Variants in DIAPH3 observed in about 807,000 individuals in gnomAD.
DIAPH3 encodes the protein protein diaphanous homolog 3.
DIAPH3 carries 117 observed loss-of-function variants against 144.3 expected under a neutral mutation model. The observed-to-expected ratio is 0.81, with a 90% CI of 0.70 to 0.95. The LOEUF (loss-of-function observed/expected upper bound fraction) is 0.95, where lower values mean the gene tolerates loss of function less well. Among genes scored for constraint, DIAPH3 ranks in the 40% least tolerant of loss-of-function variants. The pLI is 0.00. For synonymous variants in DIAPH3, 519 were observed against 488.9 expected (o/e 1.06, Z -0.81); for missense variants, 1,421 against 1,412.7 (o/e 1.01, Z -0.09).
intron 27 of DIAPH3, among the ~76,000 whole-genome samples, chr13:59,763,224 A>G (rs2037694135): frequency 6.6e-6 from 1 of 152,062 alleles, no homozygotes; most frequent in Non-Finnish European, 1.5e-5. Context: ...ATATGTGTAT[A>G]CATGTGTGTA....
At chr13:59,739,949 T>C (rs971692978) in intron 27 of DIAPH3, among the ~76,000 whole-genome samples, 1 of 152,210 alleles carries the variant, frequency 6.6e-6, no homozygotes, top group Non-Finnish European at 1.5e-5. Context: ...AAGTGATGTG[T>C]AGGCACTGTA....
chr13:59,912,104 A>T lies in DIAPH3; in HGVS notation c.2266-268T>A, dbSNP rs144281679. On this transcript the variant is annotated intron_variant, in intron 19 of 27. Transcript: ENST00000400324. ...TTGATTAGCTATATAATTGAGAAAG[A>T]GAACTCAACCTATACCAAAGGAACA... 3.4e-3 allele frequency among the ~76,000 whole-genome samples: 512 copies of T among 152,274 alleles called. 3 individuals carry two copies. Among genetic ancestry groups the T allele is most frequent in the African/African-American group, 0.012 (488 of 41,558 alleles).
intron 27 of DIAPH3, among the ~76,000 whole-genome samples, chr13:59,707,881 G>A (rs970264882): frequency 2.0e-5 from 3 of 151,274 alleles, no homozygotes; most frequent in African/African-American, 7.3e-5. Context: ...CTCATTCAAG[G>A]ACAATGCTCC....
At chr13:59,992,855 A>G (rs1488824256) in intron 9 of DIAPH3, among the ~76,000 whole-genome samples, 1 of 151,638 alleles carries the variant, frequency 6.6e-6, no homozygotes, top group African/African-American at 2.4e-5. Context: ...AGAAAAAAAA[A>G]AAAAAAAACA....
At chr13:59,719,124 C>G (rs1244812773) in intron 27 of DIAPH3, among the ~76,000 whole-genome samples, 2 of 152,144 alleles carry the variant, frequency 1.3e-5, no homozygotes, top group Non-Finnish European at 2.9e-5. Flanking sequence ...GTAGGCTGCT[C>G]TTTTTCTTCT....
intron 3 of DIAPH3, among the ~76,000 whole-genome samples, chr13:60,103,685 A>C (rs535695234): frequency 6.6e-6 from 1 of 152,216 alleles, no homozygotes; most frequent in African/African-American, 2.4e-5. Flanking sequence ...TAGGGGTTAA[A>C]GCCAACATAA....
intron 4 of DIAPH3, among the ~76,000 whole-genome samples, chr13:60,059,432 T>G (rs1209422207): frequency 4.6e-5 from 7 of 152,082 alleles, no homozygotes; most frequent in Non-Finnish European, 7.4e-5. Context: ...TGCTTTATGC[T>G]ATTTATAAGG....
chr13:59,850,673 C>A (rs1480856300), intron 22 of DIAPH3, among the ~76,000 whole-genome samples: 1 of 152,048 alleles, frequency 6.6e-6, no homozygotes, highest in Non-Finnish European at 1.5e-5. Flanking sequence ...ATGAAGCCCA[C>A]TTGATCATGA....
intron 27 of DIAPH3, among the ~76,000 whole-genome samples, chr13:59,709,449 C>G (rs997820704): frequency 1.3e-5 from 2 of 152,130 alleles, no homozygotes; most frequent in Non-Finnish European, 2.9e-5. Context: ...TGAACAGACA[C>G]TTCTCAAAAG....
chr13:59,681,770 G>A (rs1003563375), intron 27 of DIAPH3, among the ~76,000 whole-genome samples: 1 of 152,130 alleles, frequency 6.6e-6, no homozygotes, highest in South Asian at 2.1e-4. Flanking sequence ...AATGAGGAAG[G>A]AGGCTTTGTG....
chr13:60,049,569 C>T (rs2800296), intron 4 of DIAPH3, among the ~76,000 whole-genome samples: 3,558 of 152,322 alleles, frequency 0.023, 142 homozygotes, highest in African/African-American at 0.082. Flanking sequence ...TGGCTTCCCA[C>T]AAAAGGCCTC....
chr13:59,804,684 A>G (rs1183592866), intron 25 of DIAPH3, among the ~76,000 whole-genome samples: 2 of 152,050 alleles, frequency 1.3e-5, no homozygotes, highest in African/African-American at 4.8e-5. Flanking sequence ...CATTTGTTCT[A>G]CCCTTCTATA....
At chr13:59,918,942 TAC>T (rs1329635980) in intron 18 of DIAPH3, among the ~76,000 whole-genome samples, 7,707 of 26,820 alleles carry the variant, frequency 0.29, 242 homozygotes, top group Middle Eastern at 0.4. Flanking sequence ...TTCAAGAAAA[TAC>T]AAAAAAAAAA....
At chr13:59,869,339 C>T (rs2044119476) in intron 21 of DIAPH3, among the ~76,000 whole-genome samples, 1 of 152,146 alleles carries the variant, frequency 6.6e-6, no homozygotes, top group Admixed American at 6.6e-5. Context: ...ACAACTCCAT[C>T]CTCTTAGGGT....
At position 59,905,342 on chromosome 13, in the gene DIAPH3, C is replaced by CAAAAAAAAAAAAAAAA. The variant is rs59114311; in HGVS notation, c.2367+6377_2367+6392dup. 3.0e-4 allele frequency among the ~76,000 whole-genome samples: 21 copies of CAAAAAAAAAAAAAAAA among 69,748 alleles called. 1 individual carries two copies. Among genetic ancestry groups the CAAAAAAAAAAAAAAAA allele is most frequent in the Non-Finnish European group, 3.8e-4 (16 of 41,644 alleles). 45.8% of individuals were successfully genotyped at this position (69,748 alleles called of 152,430 possible). A position where few individuals can be genotyped will look rare whatever the true frequency, so the allele number is the denominator to read the frequency against. On this transcript the variant is annotated intron_variant, in intron 20 of 27. Coordinates refer to ENST00000400324, the MANE Select transcript of DIAPH3 (RefSeq NM_001042517.2). Reference sequence around the variant, plus strand: ...TGGGCGACAGAGCGAGACTCTGTCTCAAAAAAAAAAAAAAAAAAAAAAAAA... The same window carrying CAAAAAAAAAAAAAAAA: ...TGGGCGACAGAGCGAGACTCTGTCTCAAAAAAAAAAAAAAAAAAAAAAAAAAAAAAAAAAAAAAAAA...
chr13:59,879,886 T>C (rs544570242), intron 20 of DIAPH3, among the ~76,000 whole-genome samples: 19 of 152,314 alleles, frequency 1.2e-4, no homozygotes, highest in African/African-American at 4.3e-4. Context: ...TAAAGAGGGT[T>C]TGTTTTCTTC....
chr13:59,895,382 T>A (rs2046025731), intron 20 of DIAPH3, among the ~76,000 whole-genome samples: 1 of 135,978 alleles, frequency 7.4e-6, no homozygotes. Context: ...ATAGCAGTAA[T>A]GGAAAATAGC....
At position 59,971,000 on chromosome 13, in the gene DIAPH3, A is replaced by G; in HGVS notation, c.1811T>C (p.Met604Thr). 1 of 1,613,658 alleles carries G rather than the reference A, an allele frequency of 6.2e-7. No individual in the cohort carries two copies. The highest frequency in any genetic ancestry group is 8.5e-7 in the Non-Finnish European group (1 of 1,179,866). ...PPPPPLPGMR[M>T]PFSGPVPPPP... is the part of the protein sequence containing the mutation. ...TGGAGGCACAGGACCACTGAATGGC[A>G]TCCGCATTCCTGGAAGTGGAGGAGG... Residue 604 changes from methionine to threonine, a missense_variant, in exon 16 of 28, where the codon ATG becomes ACG. Transcript: ENST00000400324.
chr13:60,059,414 A>G (rs1273992281), intron 4 of DIAPH3, among the ~76,000 whole-genome samples: 1 of 152,054 alleles, frequency 6.6e-6, no homozygotes, highest in Admixed American at 6.6e-5. Context: ...AAATTTACAA[A>G]TGTTTCATGC....
Sources: gnomAD v4.1 joint callset for allele counts (sites outside exome capture counted in the v4.1 genomes callset) on GRCh38, gnomAD v4.1.1 for gene constraint, MANE v1.5 for transcripts, NCBI Gene and HGNC (gene_info 2026-07-23, HGNC 2026-07-21) for gene names.